CFAP61: variants seen among roughly 807,000 people sequenced by gnomAD.
The protein encoded by CFAP61 is cilia- and flagella-associated protein 61.
CFAP61 carries 107 observed loss-of-function variants against 135.6 expected under a neutral mutation model. That is an observed-to-expected ratio of 0.79 (90% CI 0.67 to 0.93). CFAP61 has a LOEUF of 0.93. Among genes scored for constraint, CFAP61 ranks in the 40% least tolerant of loss-of-function variants. The pLI, the probability that CFAP61 is intolerant of heterozygous loss-of-function variation, is 0.00. For synonymous variants in CFAP61, 575 were observed against 578.5 expected, an observed-to-expected ratio of 0.99 and a Z score of 0.09; for missense variants, 1,507 against 1,556.2, an observed-to-expected ratio of 0.97 and a Z score of 0.53.
intron 20 of CFAP61, among the ~76,000 whole-genome samples, chr20:20,261,059 T>C (rs924761971): frequency 6.6e-6 from 1 of 152,224 alleles, no homozygotes; most frequent in African/African-American, 2.4e-5. Flanking sequence ...GCAATTTTGG[T>C]TACAGTAAAT....
rs775546116 is a variant in CFAP61 at position 20,277,385 on chromosome 20, ACGG to A, written c.2725_2727del (p.Gly909del). 49 of 1,614,038 alleles carry A rather than the reference ACGG, an allele frequency of 3.0e-5. 1 individual carries two copies. In the East Asian group the frequency reaches 1.1e-3, roughly 36 times the overall value. ...GATGCGATCCTGGCCCAGTGGAATG[ACGG>A]CCTGCACCCAGACCCCATCTACAGC... is the stretch of plus-strand genomic sequence containing the variant. On this transcript the variant is annotated inframe_deletion, in exon 22 of 27. Transcript: ENST00000245957.
At chr20:20,355,017 G>C (rs1290401547) in intron 26 of CFAP61, among the ~76,000 whole-genome samples, 3 of 145,860 alleles carry the variant, frequency 2.1e-5, no homozygotes, top group Non-Finnish European at 4.5e-5. Context: ...CACACTGCAA[G>C]AGGGGAGGTG....
At chr20:20,343,628 T>C (rs963836933) in intron 26 of CFAP61, among the ~76,000 whole-genome samples, 1 of 152,186 alleles carries the variant, frequency 6.6e-6, no homozygotes, top group African/African-American at 2.4e-5. Context: ...GCTCAGCTCC[T>C]CAGACACCTT....
intron 21 of CFAP61, 32 bp from the exon 22 acceptor site, chr20:20,277,134 T>C: frequency 1.3e-6 from 2 of 1,546,730 alleles, no homozygotes; most frequent in Non-Finnish European, 8.8e-7. Flanking sequence ...TTTTCTGAAC[T>C]GTATATCTTA....
At chr20:20,247,472 A>G (rs1239929838) in intron 19 of CFAP61, among the ~76,000 whole-genome samples, 1 of 152,220 alleles carries the variant, frequency 6.6e-6, no homozygotes, top group African/African-American at 2.4e-5. Context: ...AGGCTGCGGA[A>G]AGCTGGCTCA....
chr20:20,232,225 CAG>C (rs2049192110), intron 18 of CFAP61, among the ~76,000 whole-genome samples: 1 of 152,186 alleles, frequency 6.6e-6, no homozygotes, highest in Admixed American at 6.5e-5. Flanking sequence ...CAAACCCTCT[CAG>C]GGTGAGATCT....
intron 25 of CFAP61, among the ~76,000 whole-genome samples, chr20:20,309,675 G>A (rs938464884): frequency 6.6e-6 from 1 of 152,038 alleles, no homozygotes; most frequent in Admixed American, 6.5e-5. Flanking sequence ...TGTTGTGTTT[G>A]ACTCATCATT....
intron 17 of CFAP61, among the ~76,000 whole-genome samples, chr20:20,204,677 A>T (rs1412094264): frequency 1.3e-5 from 2 of 152,066 alleles, no homozygotes; most frequent in Non-Finnish European, 2.9e-5. Flanking sequence ...TCCCTTGGTT[A>T]TATTTGTGGT....
intron 18 of CFAP61, among the ~76,000 whole-genome samples, chr20:20,238,205 G>A (rs1015724331): frequency 6.6e-6 from 1 of 152,124 alleles, no homozygotes; most frequent in African/African-American, 2.4e-5. Context: ...GTGTGGATTT[G>A]TTTTGCCTCT....
At chr20:20,220,507 C>T (rs1230166936) in intron 17 of CFAP61, among the ~76,000 whole-genome samples, 3 of 149,338 alleles carry the variant, frequency 2.0e-5, no homozygotes, top group East Asian at 1.9e-4. Context: ...CATGGACTTG[C>T]GATTGGCATG....
intron 18 of CFAP61, among the ~76,000 whole-genome samples, chr20:20,236,482 T>C (rs933703186): frequency 2.6e-5 from 4 of 152,230 alleles, no homozygotes; most frequent in African/African-American, 9.6e-5. Context: ...TAGTGAATCA[T>C]ATAACTTCTA....
At chr20:20,158,818 A>G (rs62200312) in intron 9 of CFAP61, among the ~76,000 whole-genome samples, 136,913 of 151,930 alleles carry the variant, frequency 0.9, 62,502 homozygotes, top group Middle Eastern at 0.99. Flanking sequence ...TATCTTGATC[A>G]CAGTGATATT....
chr20:20,060,333 T>G (rs1217584479), intron 2 of CFAP61, among the ~76,000 whole-genome samples: 1 of 152,198 alleles, frequency 6.6e-6, no homozygotes, highest in Non-Finnish European at 1.5e-5. Context: ...TTCCTCAGAA[T>G]ATGTTTTTGG....
intron 25 of CFAP61, among the ~76,000 whole-genome samples, chr20:20,320,401 G>GTAATATATTATATATGTAATATATA (rs1569293308): frequency 4.3e-4 from 5 of 11,510 alleles, no homozygotes; most frequent in South Asian, 2.5e-3. Context: ...TATAATATAT[G>GTAATATATTATATATGTAATATATA]TAATATATGT....
intron 14 of CFAP61, 30 bp downstream of exon 14, chr20:20,188,086 A>G: frequency 6.2e-7 from 1 of 1,612,846 alleles, no homozygotes; most frequent in Non-Finnish European, 8.5e-7. Flanking sequence ...AGACCTCAGG[A>G]TATGGGACCA....
intron 23 of CFAP61, among the ~76,000 whole-genome samples, chr20:20,289,244 G>A (rs1287581407): frequency 6.6e-6 from 1 of 152,166 alleles, no homozygotes; most frequent in Non-Finnish European, 1.5e-5. Context: ...CTCACAGCTG[G>A]AAAATGATGG....
At chr20:20,113,505 A>C (rs1454717512) in intron 8 of CFAP61, among the ~76,000 whole-genome samples, 1 of 152,188 alleles carries the variant, frequency 6.6e-6, no homozygotes, top group Non-Finnish European at 1.5e-5. Context: ...TTTATAGTGA[A>C]GTGTTCTAAG....
At chr20:20,224,956 C>A (rs1407176194) in intron 17 of CFAP61, among the ~76,000 whole-genome samples, 2 of 152,078 alleles carry the variant, frequency 1.3e-5, no homozygotes, top group East Asian at 3.9e-4. Context: ...GGAAATAAGA[C>A]CCAAAACAGA....
At chr20:20,308,978 G>C (rs2056650335) in intron 25 of CFAP61, among the ~76,000 whole-genome samples, 1 of 152,158 alleles carries the variant, frequency 6.6e-6, no homozygotes, top group Non-Finnish European at 1.5e-5. Context: ...CAACGGAGTT[G>C]TTTTACTGTT....
Sources: allele counts gnomAD v4.1 joint callset (sites outside exome capture counted in the v4.1 genomes callset), GRCh38; gene constraint gnomAD v4.1.1; transcripts MANE v1.5; gene names NCBI Gene and HGNC (gene_info 2026-07-23, HGNC 2026-07-21).